Variants in ADK observed in about 807,000 individuals in gnomAD.
ADK encodes N6,N6-dimethyladenosine kinase.
Under a neutral mutation model 44.7 loss-of-function variants are expected in ADK, and 24 were observed. The ratio of observed to expected loss-of-function variants is 0.54; its 90% CI spans 0.39 to 0.76. ADK has a LOEUF of 0.76. ADK is among the 30% of genes least tolerant of loss of function. ADK has a pLI of 0.00. For missense variants in ADK, 321 were observed against 425.1 expected (o/e 0.76, Z 2.15); for synonymous variants, 128 against 142.6 (o/e 0.90, Z 0.73).
chr10:74,230,015 G>A (rs895666781), intron 3 of ADK, among the ~76,000 whole-genome samples: 9 of 151,530 alleles, frequency 5.9e-5, no homozygotes, highest in Non-Finnish European at 1.2e-4. Flanking sequence ...GCTCCAGCCT[G>A]GGTGACAGAA....
intron 6 of ADK, among the ~76,000 whole-genome samples, chr10:74,436,101 C>A (rs942995316): frequency 6.6e-6 from 1 of 152,090 alleles, no homozygotes; most frequent in Admixed American, 6.6e-5. Flanking sequence ...TGTATTTAGG[C>A]CCTATGACTT....
intron 3 of ADK, among the ~76,000 whole-genome samples, chr10:74,305,568 G>A (rs1840216546): frequency 6.6e-6 from 1 of 151,856 alleles, no homozygotes; most frequent in Non-Finnish European, 1.5e-5. Context: ...CTTAAATTTT[G>A]GTATATCCCT....
At chr10:74,658,983 A>G (rs1589343233) in intron 9 of ADK, among the ~76,000 whole-genome samples, 3 of 152,128 alleles carry the variant, frequency 2.0e-5, no homozygotes, top group Admixed American at 2.0e-4. Context: ...CGGGAAGCCA[A>G]GGTGGGAGGA....
At chr10:74,224,691 A>C in intron 3 of ADK, 100 bp downstream of exon 3, 1 of 920,014 alleles carries the variant, frequency 1.1e-6, no homozygotes, top group Non-Finnish European at 1.7e-6. Flanking sequence ...TATAATGACA[A>C]AGTATAATTA....
chr10:74,279,578 C>CAA (rs1259181483), intron 3 of ADK, among the ~76,000 whole-genome samples: 12 of 100,608 alleles, frequency 1.2e-4, no homozygotes, highest in Admixed American at 2.3e-4. Context: ...GACTTCATCT[C>CAA]AAAAAAAAAA....
intron 3 of ADK, among the ~76,000 whole-genome samples, chr10:74,268,830 C>T (rs1009505062): frequency 1.3e-5 from 2 of 152,138 alleles, no homozygotes; most frequent in Non-Finnish European, 2.9e-5. Flanking sequence ...GCAGATTTAG[C>T]TTCTGTAAGA....
intron 1 of ADK, among the ~76,000 whole-genome samples, chr10:74,187,267 T>A (rs1281275736): frequency 6.6e-6 from 1 of 152,244 alleles, no homozygotes; most frequent in Non-Finnish European, 1.5e-5. Context: ...GAATAATATT[T>A]CATTGTATAG....
chr10:74,602,042 C>T (rs1852149218), intron 9 of ADK, among the ~76,000 whole-genome samples: 1 of 135,672 alleles, frequency 7.4e-6, no homozygotes, highest in South Asian at 2.4e-4. Context: ...AAGTTCGAGG[C>T]TGTGTTGAGC....
At chr10:74,642,001 T>C (rs1853862837) in intron 9 of ADK, among the ~76,000 whole-genome samples, 1 of 152,188 alleles carries the variant, frequency 6.6e-6, no homozygotes, top group Non-Finnish European at 1.5e-5. Context: ...AATTCAAATA[T>C]ATTATTTGCC....
chr10:74,179,736 T>C (rs1185588067), intron 1 of ADK, among the ~76,000 whole-genome samples: 1 of 152,184 alleles, frequency 6.6e-6, no homozygotes, highest in Non-Finnish European at 1.5e-5. Context: ...TAGCATACAA[T>C]CAAGAAATAA....
chr10:74,688,414 T>C (rs1436098820), intron 10 of ADK, among the ~76,000 whole-genome samples: 1 of 152,220 alleles, frequency 6.6e-6, no homozygotes, highest in African/African-American at 2.4e-5. Context: ...GTGCCTAGCA[T>C]AGAAGACTCA....
At chr10:74,498,434 A>G (rs1156976464) in intron 6 of ADK, among the ~76,000 whole-genome samples, 1 of 152,164 alleles carries the variant, frequency 6.6e-6, no homozygotes, top group African/African-American at 2.4e-5. Context: ...CTACTATTCA[A>G]CTCTTCTCAT....
intron 4 of ADK, among the ~76,000 whole-genome samples, chr10:74,354,953 A>C (rs1842085353): frequency 1.3e-5 from 2 of 152,224 alleles, no homozygotes; most frequent in South Asian, 4.1e-4. Flanking sequence ...CATTAAGTAC[A>C]GTGTGGTATA....
intron 6 of ADK, among the ~76,000 whole-genome samples, chr10:74,433,523 A>G (rs1845071904): frequency 6.6e-6 from 1 of 152,244 alleles, no homozygotes; most frequent in Non-Finnish European, 1.5e-5. Flanking sequence ...TTCATCCAAC[A>G]GTAAAACTAG....
rs577497381 is a variant in ADK at position 74,481,061 on chromosome 10, T to C, written c.556-44195T>C. ...TCAGTGTACCTTTTTAGATTTTCAC[T>C]TTATTAATGTATTCAGCATGGTGCA... On this transcript the variant is annotated intron_variant, in intron 6 of 10. Transcript: ENST00000539909. 5.9e-5 allele frequency among the ~76,000 whole-genome samples: 9 copies of C among 152,312 alleles called. No homozygotes were observed. In the South Asian group the frequency reaches 1.5e-3, roughly 25 times the overall value.
chr10:74,638,324 A>G (rs1778743380), intron 9 of ADK, among the ~76,000 whole-genome samples: 1 of 152,216 alleles, frequency 6.6e-6, no homozygotes, highest in Non-Finnish European at 1.5e-5. Flanking sequence ...AGATGCAGAA[A>G]GATCAATATC....
chr10:74,271,132 T>C (rs1846414508), intron 3 of ADK, among the ~76,000 whole-genome samples: 1 of 152,174 alleles, frequency 6.6e-6, no homozygotes, highest in East Asian at 1.9e-4. Flanking sequence ...CAGAGGCTTC[T>C]GTATTGAGAA....
chr10:74,193,499 C>T (rs1843021449), intron 1 of ADK, among the ~76,000 whole-genome samples: 1 of 151,398 alleles, frequency 6.6e-6, no homozygotes, highest in Non-Finnish European at 1.5e-5. Context: ...AAAAGTGTAT[C>T]TTGTGCTAGG....
At chr10:74,647,065 C>T (rs1854078474) in intron 9 of ADK, among the ~76,000 whole-genome samples, 1 of 151,830 alleles carries the variant, frequency 6.6e-6, no homozygotes. Context: ...TCCGTTTGTA[C>T]TCAGCTCTTC....
Sources: gnomAD v4.1 joint callset for allele counts (sites outside exome capture counted in the v4.1 genomes callset) on GRCh38, gnomAD v4.1.1 for gene constraint, MANE v1.5 for transcripts, NCBI Gene and HGNC (gene_info 2026-07-23, HGNC 2026-07-21) for gene names.